The following RALGAPA2 variants were observed in gnomAD, a reference collection of about 807,000 sequenced individuals.
RALGAPA2 encodes ral GTPase-activating protein subunit alpha-2.
RALGAPA2 carries 139 observed loss-of-function variants against 230.4 expected under a neutral mutation model. The ratio of observed to expected loss-of-function variants is 0.60; its 90% CI spans 0.53 to 0.69. The LOEUF is 0.69. RALGAPA2 is among the 30% of genes least tolerant of loss of function. RALGAPA2 has a pLI of 0.00. For missense variants in RALGAPA2, 2,163 were observed against 2,276.0 expected (o/e 0.95, Z 1.01); for synonymous variants, 847 against 837.8 (o/e 1.01, Z -0.19).
At chr20:20,401,410 C>G (rs973733565) in intron 38 of RALGAPA2, among the ~76,000 whole-genome samples, 1 of 152,120 alleles carries the variant, frequency 6.6e-6, no homozygotes, top group South Asian at 2.1e-4. Context: ...CCTCACACCA[C>G]CCTCAAAGCA....
intron 20 of RALGAPA2, among the ~76,000 whole-genome samples, chr20:20,581,458 A>G (rs1183540077): frequency 6.6e-6 from 1 of 152,150 alleles, no homozygotes; most frequent in Non-Finnish European, 1.5e-5. Context: ...AGTGTAAAGG[A>G]GTAGACATAG....
chr20:20,567,336 T>C (rs923277959), intron 23 of RALGAPA2, among the ~76,000 whole-genome samples: 20 of 152,206 alleles, frequency 1.3e-4, no homozygotes, highest in African/African-American at 4.6e-4. Context: ...AATTCTGATG[T>C]GAAAAAGCTG....
intron 20 of RALGAPA2, among the ~76,000 whole-genome samples, chr20:20,582,161 AGTGTGTGTGTGTGTGTGT>A (rs35240382): frequency 1.4e-5 from 2 of 146,162 alleles, no homozygotes; most frequent in East Asian, 4.1e-4. Flanking sequence ...AGTGTCACAC[AGTGTGTGTGTGTGTGTGT>A]GTGTGTGTGT....
At chr20:20,402,955 T>G (rs1347711536) in intron 38 of RALGAPA2, among the ~76,000 whole-genome samples, 1 of 152,162 alleles carries the variant, frequency 6.6e-6, no homozygotes, top group Non-Finnish European at 1.5e-5. Flanking sequence ...GGGCTCCTTG[T>G]TCCTTGATTG....
At chr20:20,700,059 C>A (rs1418350589) in intron 1 of RALGAPA2, among the ~76,000 whole-genome samples, 2 of 152,092 alleles carry the variant, frequency 1.3e-5, no homozygotes, top group African/African-American at 4.8e-5. Flanking sequence ...ATCAACCTAA[C>A]TGCCCATTAG....
chr20:20,468,332 C>T (rs1327298527), intron 37 of RALGAPA2, among the ~76,000 whole-genome samples: 2 of 152,174 alleles, frequency 1.3e-5, no homozygotes, highest in African/African-American at 4.8e-5. Flanking sequence ...GCATGGCCAT[C>T]CCTCCCATCT....
chr20:20,396,780 C>CT (rs1263084616), intron 38 of RALGAPA2, 46 bp from the exon 39 acceptor site: 2 of 1,489,160 alleles, frequency 1.3e-6, no homozygotes, highest in Non-Finnish European at 9.4e-7. Context: ...ACACAACACC[C>CT]CCACAGCTCC....
intron 37 of RALGAPA2, among the ~76,000 whole-genome samples, chr20:20,445,860 T>C (rs1431070752): frequency 6.6e-6 from 1 of 152,242 alleles, no homozygotes; most frequent in African/African-American, 2.4e-5. Flanking sequence ...GCTGTAAGAT[T>C]TGAACTCAAA....
chr20:20,655,854 G>A (rs1568713408), intron 3 of RALGAPA2, among the ~76,000 whole-genome samples: 1 of 152,210 alleles, frequency 6.6e-6, no homozygotes, highest in Non-Finnish European at 1.5e-5. Context: ...TAGAGGGGCT[G>A]TAGTAAATGG....
chr20:20,398,032 G>T lies in RALGAPA2; in HGVS notation c.5618-1298C>A, dbSNP rs1017783900. 6.6e-6 allele frequency among the ~76,000 whole-genome samples: 1 copy of T among 152,186 alleles called. No individual in the cohort carries two copies. The highest frequency in any genetic ancestry group is 2.4e-5 in the African/African-American group (1 of 41,448). On this transcript the variant is annotated intron_variant, in intron 38 of 39. Transcript: ENST00000202677. The surrounding 1 kb of genome is among the most constrained non-coding windows in gnomAD (Gnocchi z 4.5). The stretch of plus-strand genomic sequence containing the variant: ...AATGTTTTCCATGGATCCTCGGGAT[G>T]ATTAATCATTTAGATTTCTGATTTC...
At chr20:20,610,608 C>G (rs1412317596) in intron 14 of RALGAPA2, among the ~76,000 whole-genome samples, 1 of 152,160 alleles carries the variant, frequency 6.6e-6, no homozygotes, top group Non-Finnish European at 1.5e-5. Flanking sequence ...CCACCTTAAA[C>G]CTCGCCCACC....
At chr20:20,566,033 C>T (rs2064408518) in intron 23 of RALGAPA2, among the ~76,000 whole-genome samples, 1 of 152,218 alleles carries the variant, frequency 6.6e-6, no homozygotes, top group Non-Finnish European at 1.5e-5. Context: ...CACCCAGCCA[C>T]ATCACAAGGC....
intron 19 of RALGAPA2, among the ~76,000 whole-genome samples, chr20:20,583,779 A>G (rs1045689551): frequency 6.6e-6 from 1 of 152,192 alleles, no homozygotes; most frequent in African/African-American, 2.4e-5. Context: ...ATTTATCATA[A>G]TATAATAAGG....
At chr20:20,602,977 C>T (rs981713489) in intron 15 of RALGAPA2, among the ~76,000 whole-genome samples, 18 of 152,238 alleles carry the variant, frequency 1.2e-4, no homozygotes, top group African/African-American at 1.2e-4. Flanking sequence ...GGGCTGAGAA[C>T]GACTGTCTTA....
At position 20,458,840 on chromosome 20, in the gene RALGAPA2, C is replaced by CTATA. The variant is rs10539542; in HGVS notation, c.5495+13985_5495+13988dup. ...TATAGACCTATATATATATATAGACCTATATATATATAGACCTATATATAT... is the reference window on the plus strand; with the variant it reads ...TATAGACCTATATATATATATAGACCTATATATATATATATAGACCTATATATAT... On this transcript the variant is annotated intron_variant, in intron 37 of 39. Coordinates refer to ENST00000202677, the MANE Select transcript of RALGAPA2 (RefSeq NM_020343.4). Among the ~76,000 whole-genome samples the CTATA allele has an allele frequency of 2.3e-4, 9 of 38,972 alleles. No individual in the cohort carries two copies. The East Asian group carries it at 5.4e-3, about 23-fold the overall frequency. The allele number at this position is 38,972 out of a possible 152,430, so 25.6% of individuals were successfully genotyped here. A position where few individuals can be genotyped will look rare whatever the true frequency, so the allele number is the denominator to read the frequency against.
At chr20:20,691,817 T>C (rs1312233284) in intron 1 of RALGAPA2, among the ~76,000 whole-genome samples, 4 of 152,230 alleles carry the variant, frequency 2.6e-5, no homozygotes, top group African/African-American at 7.2e-5. Flanking sequence ...GTTTGGATAT[T>C]TGTCCCCTCC....
intron 36 of RALGAPA2, among the ~76,000 whole-genome samples, chr20:20,494,163 C>T (rs1300215882): frequency 1.3e-5 from 2 of 152,210 alleles, no homozygotes; most frequent in African/African-American, 2.4e-5. Flanking sequence ...TTAATCCTCA[C>T]AACTTTAACC....
At chr20:20,678,271 C>T (rs1037521830) in intron 2 of RALGAPA2, among the ~76,000 whole-genome samples, 1 of 152,108 alleles carries the variant, frequency 6.6e-6, no homozygotes, top group Non-Finnish European at 1.5e-5. Flanking sequence ...GCACTCCAAT[C>T]GAACACAGAT....
At position 20,391,360 on chromosome 20, in the gene RALGAPA2, C is replaced by T. The variant is rs2059599809; in HGVS notation, c.*1929G>A. ...ACTCTTCACATTGCCCTTCAGCCCC[C>T]GTGAGTATCCTGGGCCCTTCCCAAA... is the stretch of plus-strand genomic sequence containing the variant. On this transcript the variant is annotated 3_prime_UTR_variant, in exon 40 of 40. Transcript: ENST00000202677. 2.0e-5 allele frequency: 3 copies of T among 152,356 alleles called. No individual in the cohort carries two copies. Among genetic ancestry groups the T allele is most frequent in the Middle Eastern group, 3.4e-3 (1 of 296 alleles). The allele number at this position is 152,356 out of a possible 1,614,324, so 9.4% of individuals were successfully genotyped here. A position where few individuals can be genotyped will look rare whatever the true frequency, so the allele number is the denominator to read the frequency against.
Sources: allele counts gnomAD v4.1 joint callset (sites outside exome capture counted in the v4.1 genomes callset), GRCh38; gene constraint gnomAD v4.1.1; non-coding constraint Gnocchi (gnomAD v3.1); transcripts MANE v1.5; gene names NCBI Gene and HGNC (gene_info 2026-07-23, HGNC 2026-07-21).